STEAP1: variants seen among roughly 807,000 people sequenced by gnomAD.
The protein encoded by STEAP1 is STEAP1 protein.
A neutral mutation model predicts 34.4 loss-of-function variants in STEAP1; 30 were observed. The observed-to-expected ratio is 0.87, with a 90% CI of 0.65 to 1.18. The LOEUF is 1.18. Among genes scored for constraint, STEAP1 ranks in the 50% most tolerant of loss-of-function variants. The pLI is 0.00. For synonymous variants in STEAP1, 116 were observed against 135.3 expected (o/e 0.86, Z 0.99); for missense variants, 318 against 391.1 (o/e 0.81, Z 1.58).
chr7:90,154,915 A>C (rs1247552448), intron 1 of STEAP1, among the ~76,000 whole-genome samples: 4 of 152,184 alleles, frequency 2.6e-5, no homozygotes, highest in Non-Finnish European at 4.4e-5. Flanking sequence ...GCATTGACGA[A>C]TGACTGGTGC....
intron 3 of STEAP1, among the ~76,000 whole-genome samples, chr7:90,161,639 A>G (rs1287366260): frequency 2.6e-5 from 4 of 152,126 alleles, no homozygotes; most frequent in African/African-American, 9.7e-5. Flanking sequence ...TTGTTTACCA[A>G]TATGCATGCA....
intron 2 of STEAP1, 43 bp downstream of exon 2, chr7:90,159,915 T>C (rs1258182494): frequency 7.6e-7 from 1 of 1,319,560 alleles, no homozygotes; most frequent in Non-Finnish European, 1.0e-6. Context: ...AATTTACATC[T>C]TTAAACATAA....
In STEAP1 at chr7:90,160,883, T is replaced by C. The variant is rs2115964605; in HGVS notation, c.163T>C (p.Phe55Leu). Residue 55 changes from phenylalanine to leucine, a missense_variant, in exon 3 of 5, where the codon TTT (phenylalanine) becomes CTT (leucine). Transcript: ENST00000297205. ...GCACCAAACAGCCCATGCTGATGAA[T>C]TTGACTGCCCTTCAGAACTTCAGCA... ...HLHQTAHADEFDCPSELQHTQ... is the reference protein window; with the variant it reads ...HLHQTAHADELDCPSELQHTQ... The C allele has an allele frequency of 6.2e-7, 1 of 1,614,032 alleles. No homozygotes were observed. The highest frequency in any genetic ancestry group is 1.1e-5 in the South Asian group (1 of 91,080).
At chr7:90,159,277 A>G (rs17868927) in intron 1 of STEAP1, among the ~76,000 whole-genome samples, 5,334 of 152,296 alleles carry the variant, frequency 0.035, 248 homozygotes, top group South Asian at 0.11. Flanking sequence ...CTCCAAAAGA[A>G]AAATGGTACT....
intron 2 of STEAP1, among the ~76,000 whole-genome samples, chr7:90,160,220 T>C (rs1260644461): frequency 6.6e-6 from 1 of 151,842 alleles, no homozygotes; most frequent in Non-Finnish European, 1.5e-5. Flanking sequence ...AAAAAAGTCA[T>C]CAATGCCCAT....
intron 1 of STEAP1, among the ~76,000 whole-genome samples, chr7:90,159,021 A>T (rs1794149752): frequency 6.6e-6 from 1 of 152,362 alleles, no homozygotes; most frequent in Non-Finnish European, 1.5e-5. Context: ...TAAATTCAGA[A>T]CTAATAAAAA....
At position 90,161,899 on chromosome 7, in the gene STEAP1, T is replaced by A. The variant is rs779549239; in HGVS notation, c.598-15T>A. 4.0e-5 allele frequency: 63 copies of A among 1,584,740 alleles called. No individual in the cohort carries two copies. In the Middle Eastern group the frequency reaches 8.5e-4, roughly 21 times the overall value. Reference sequence around the variant, plus strand: ...GTTGTTTGCATTTCTTCTTTCTTTATTTACCTTCTGGTAGGTCCAACAAAA... The same window carrying A: ...GTTGTTTGCATTTCTTCTTTCTTTAATTACCTTCTGGTAGGTCCAACAAAA... On this transcript the variant is annotated splice_polypyrimidine_tract_variant and intron_variant, in intron 3 of 4. Transcript: ENST00000297205.
rs1246025273 is a variant in STEAP1 at position 90,162,089 on chromosome 7, T to C, written c.762+11T>C. On this transcript the variant is annotated intron_variant, in intron 4 of 4. Coordinates refer to ENST00000297205, the MANE Select transcript of STEAP1 (RefSeq NM_012449.3). Reference sequence around the variant, plus strand: ...TTTCACTATATTCAGGTAAATAATATATAAAATAACCCTAAGAGGTAAATC... The same window carrying C: ...TTTCACTATATTCAGGTAAATAATACATAAAATAACCCTAAGAGGTAAATC... The C allele has an allele frequency of 3.5e-5, 56 of 1,588,492 alleles. 1 individual carries two copies. Among genetic ancestry groups the C allele is most frequent in the South Asian group, 5.8e-5 (5 of 86,336 alleles).
At chr7:90,163,320 A>G (rs1284547134) in intron 4 of STEAP1, among the ~76,000 whole-genome samples, 2 of 152,140 alleles carry the variant, frequency 1.3e-5, no homozygotes, top group Non-Finnish European at 2.9e-5. Flanking sequence ...AGCTTTCTTC[A>G]CACATTGCTC....
chr7:90,164,425 G>T (rs1584195193), intron 4 of STEAP1, 52 bp from the exon 5 acceptor site: 16 of 1,540,814 alleles, frequency 1.0e-5, no homozygotes, highest in East Asian at 2.3e-5. Flanking sequence ...GAGGTAGGAT[G>T]GGATAAACTC....
Position 90,161,224 on chromosome 7 carries a change from T to C in STEAP1, c.504T>C (p.Ser168=), listed in dbSNP as rs1455062789. 1 of 1,614,142 alleles carries C rather than the reference T, an allele frequency of 6.2e-7. No homozygotes were observed. The change falls in exon 3 of 5, where the codon AGT becomes AGC. Residue 168 remains serine, a synonymous_variant. Coordinates refer to ENST00000297205, the MANE Select transcript of STEAP1 (RefSeq NM_012449.3). Reference sequence around the variant, plus strand: ...CAAGAAAGCAGTTTGGGCTTCTCAGTTTCTTTTTTGCTGTACTGCATGCAA... The same window carrying C: ...CAAGAAAGCAGTTTGGGCTTCTCAGCTTCTTTTTTGCTGTACTGCATGCAA... ...MLTRKQFGLL[S]FFFAVLHAIY...
intron 4 of STEAP1, chr7:90,162,293 T>G (rs1018706049): frequency 2.7e-6 from 2 of 736,662 alleles, no homozygotes; most frequent in Non-Finnish European, 3.8e-6. Flanking sequence ...CATTAAAATA[T>G]TCTTTGTTTT....
At chr7:90,163,263 G>A (rs1794209907) in intron 4 of STEAP1, among the ~76,000 whole-genome samples, 1 of 152,164 alleles carries the variant, frequency 6.6e-6, no homozygotes, top group Non-Finnish European at 1.5e-5. Flanking sequence ...TCCTAATTTT[G>A]TAGGTTCAGC....
intron 4 of STEAP1, 38 bp downstream of exon 4, chr7:90,162,116 T>A (rs772330902): frequency 2.6e-6 from 4 of 1,547,610 alleles, no homozygotes; most frequent in Non-Finnish European, 3.5e-6. Context: ...AGGTAAATCT[T>A]CTTTTTGTGT....
At chr7:90,162,679 G>A (rs912434989) in intron 4 of STEAP1, among the ~76,000 whole-genome samples, 1 of 151,990 alleles carries the variant, frequency 6.6e-6, no homozygotes, top group Non-Finnish European at 1.5e-5. Flanking sequence ...CCCATCTAAT[G>A]TGATATTTTA....
chr7:90,159,914 C>A (rs1211041191), intron 2 of STEAP1, 42 bp downstream of exon 2: 14 of 1,316,750 alleles, frequency 1.1e-5, no homozygotes, highest in Middle Eastern at 2.5e-4. Context: ...TAATTTACAT[C>A]TTTAAACATA....
intron 4 of STEAP1, 135 bp downstream of exon 4, chr7:90,162,213 A>G: frequency 3.8e-6 from 5 of 1,329,916 alleles, no homozygotes; most frequent in Non-Finnish European, 4.9e-6. Flanking sequence ...TCCAATTAAT[A>G]ATGTGCTCTC....
chr7:90,156,615 A>G (rs2115955658), intron 1 of STEAP1, among the ~76,000 whole-genome samples: 1 of 152,354 alleles, frequency 6.6e-6, no homozygotes. Context: ...CAAACTGCAC[A>G]TGCAAGGGAT....
At chr7:90,163,448 C>T (rs1319446679) in intron 4 of STEAP1, among the ~76,000 whole-genome samples, 1 of 152,176 alleles carries the variant, frequency 6.6e-6, no homozygotes, top group East Asian at 1.9e-4. Flanking sequence ...AATAGGTATA[C>T]AATACACATT....
Sources: gnomAD v4.1 joint callset for allele counts (sites outside exome capture counted in the v4.1 genomes callset) on GRCh38, gnomAD v4.1.1 for gene constraint, MANE v1.5 for transcripts, NCBI Gene and HGNC (gene_info 2026-07-23, HGNC 2026-07-21) for gene names.